Variants in AKAIN1 observed in about 807,000 individuals in gnomAD.
AKAIN1 encodes the protein A-kinase anchor inhibitor 1, also known as A-kinase anchor protein inhibitor 1.
AKAIN1 carries 3 observed loss-of-function variants against 3.7 expected under a neutral mutation model. That is an observed-to-expected ratio of 0.82 (90% CI 0.37 to 2.12). The LOEUF (loss-of-function observed/expected upper bound fraction) is 2.12, where lower values mean the gene tolerates loss of function less well. Among genes scored for constraint, AKAIN1 ranks in the 30% most tolerant of loss-of-function variants. The pLI is 0.06. For synonymous variants in AKAIN1, 31 were observed against 30.8 expected, an observed-to-expected ratio of 1.01 and a Z score of -0.02; for missense variants, 82 against 82.7, an observed-to-expected ratio of 0.99 and a Z score of 0.03.
intron 1 of AKAIN1, among the ~76,000 whole-genome samples, chr18:5,192,696 G>T (rs1385239531): frequency 6.6e-6 from 1 of 151,892 alleles, no homozygotes; most frequent in African/African-American, 2.4e-5. Context: ...ACTCCCAGTG[G>T]TCTAAAACTT....
chr18:5,195,051 A>T (rs1475726667), intron 1 of AKAIN1, among the ~76,000 whole-genome samples: 2 of 152,184 alleles, frequency 1.3e-5, no homozygotes, highest in Non-Finnish European at 2.9e-5. Flanking sequence ...TGATCCATAG[A>T]TGAGAAGGTA....
At chr18:5,159,355 T>C (rs1341071938) in intron 1 of AKAIN1, 2 of 152,090 alleles carry the variant, frequency 1.3e-5, no homozygotes, top group Admixed American at 1.3e-4. Flanking sequence ...AAGTCAAATG[T>C]ATTGAGCTTT....
chr18:5,168,864 T>TAAA (rs34950957), intron 1 of AKAIN1, among the ~76,000 whole-genome samples: 1 of 122,670 alleles, frequency 8.2e-6, no homozygotes, highest in South Asian at 2.6e-4. Flanking sequence ...GGCAATTCAT[T>TAAA]AAAAAAAAAA....
intron 1 of AKAIN1, among the ~76,000 whole-genome samples, chr18:5,169,747 G>A (rs1453218607): frequency 6.6e-6 from 1 of 152,114 alleles, no homozygotes; most frequent in African/African-American, 2.4e-5. Flanking sequence ...TAAACTAAAA[G>A]CAAGAAAAAC....
intron 1 of AKAIN1, among the ~76,000 whole-genome samples, chr18:5,147,026 T>C (rs913062770): frequency 6.6e-6 from 1 of 152,196 alleles, no homozygotes; most frequent in Admixed American, 6.5e-5. Flanking sequence ...CTAAGTTCTG[T>C]GGTAGAAGTG....
intron 1 of AKAIN1, among the ~76,000 whole-genome samples, chr18:5,188,932 A>G (rs2071302884): frequency 6.6e-6 from 1 of 152,142 alleles, no homozygotes; most frequent in African/African-American, 2.4e-5. Flanking sequence ...CCTTACAATT[A>G]TGACTTTCTT....
At chr18:5,163,142 C>T (rs1271830462) in intron 1 of AKAIN1, among the ~76,000 whole-genome samples, 1 of 152,002 alleles carries the variant, frequency 6.6e-6, no homozygotes, top group African/African-American at 2.4e-5. Context: ...AGCTAAGTGA[C>T]TATTTTACAG....
At chr18:5,189,011 T>C (rs558670338) in intron 1 of AKAIN1, among the ~76,000 whole-genome samples, 2 of 152,320 alleles carry the variant, frequency 1.3e-5, no homozygotes, top group South Asian at 2.1e-4. Flanking sequence ...ATTAGCTTCA[T>C]GTAGATGCCA....
At chr18:5,154,337 C>T (rs2071094986) in intron 1 of AKAIN1, among the ~76,000 whole-genome samples, 1 of 152,108 alleles carries the variant, frequency 6.6e-6, no homozygotes, top group South Asian at 2.1e-4. Context: ...TTTCCTTTTT[C>T]TGAGCACGTA....
At chr18:5,161,743 T>C (rs2071140561) in intron 1 of AKAIN1, among the ~76,000 whole-genome samples, 1 of 152,182 alleles carries the variant, frequency 6.6e-6, no homozygotes, top group African/African-American at 2.4e-5. Context: ...GAAATGCCTA[T>C]CAAATTTGTC....
chr18:5,147,514 C>T (rs60361331), intron 1 of AKAIN1, among the ~76,000 whole-genome samples: 7,309 of 152,162 alleles, frequency 0.048, 599 homozygotes, highest in African/African-American at 0.17. Context: ...TTCCTCTACA[C>T]GAATATGCTC....
At chr18:5,184,980 A>G (rs1171269361) in intron 1 of AKAIN1, among the ~76,000 whole-genome samples, 1 of 152,154 alleles carries the variant, frequency 6.6e-6, no homozygotes, top group Non-Finnish European at 1.5e-5. Flanking sequence ...GCAGCATGAT[A>G]CTGGTACCAA....
chr18:5,172,435 T>C (rs553674907), intron 1 of AKAIN1, among the ~76,000 whole-genome samples: 7 of 152,250 alleles, frequency 4.6e-5, no homozygotes, highest in African/African-American at 1.2e-4. Flanking sequence ...GCACCTGCTA[T>C]GTACGCACAA....
intron 1 of AKAIN1, among the ~76,000 whole-genome samples, chr18:5,151,486 C>T (rs1358161792): frequency 6.6e-6 from 1 of 152,222 alleles, no homozygotes; most frequent in East Asian, 1.9e-4. Flanking sequence ...CAGCTTGCTG[C>T]TAGCCCAACT....
intron 1 of AKAIN1, among the ~76,000 whole-genome samples, chr18:5,176,775 CAAATTCTAATTCTAAG>C (rs2071229256): frequency 6.6e-6 from 1 of 152,116 alleles, no homozygotes; most frequent in Non-Finnish European, 1.5e-5. Context: ...ACGATAACAA[CAAATTCTAATTCTAAG>C]AAATTCTAAT....
At chr18:5,157,364 T>G (rs1202121333) in intron 1 of AKAIN1, among the ~76,000 whole-genome samples, 1 of 152,268 alleles carries the variant, frequency 6.6e-6, no homozygotes, top group Non-Finnish European at 1.5e-5. Flanking sequence ...CTTTTGTTTA[T>G]GCTTCCATTT....
chr18:5,164,153 G>C (rs1268071687), intron 1 of AKAIN1, among the ~76,000 whole-genome samples: 1 of 152,000 alleles, frequency 6.6e-6, no homozygotes, highest in Non-Finnish European at 1.5e-5. Flanking sequence ...AAAAACCCAA[G>C]TGATATTTGA....
intron 1 of AKAIN1, among the ~76,000 whole-genome samples, chr18:5,169,987 G>A (rs571723058): frequency 6.6e-6 from 1 of 152,042 alleles, no homozygotes; most frequent in Non-Finnish European, 1.5e-5. Context: ...ATTCTACACT[G>A]GGTACAATTA....
At chr18:5,146,818 C>A (rs533819078) in intron 1 of AKAIN1, among the ~76,000 whole-genome samples, 55 of 152,256 alleles carry the variant, frequency 3.6e-4, no homozygotes, top group African/African-American at 1.3e-3. Flanking sequence ...GGCTTTCATT[C>A]AATAAAACTT....
Sources: allele counts gnomAD v4.1 joint callset (sites outside exome capture counted in the v4.1 genomes callset), GRCh38; gene constraint gnomAD v4.1.1; transcripts MANE v1.5; gene names NCBI Gene and HGNC (gene_info 2026-07-23, HGNC 2026-07-21).